The following SEMA6A variants were observed in gnomAD, a reference collection of about 807,000 sequenced individuals.
SEMA6A encodes semaphorin-6A.
Under a neutral mutation model 96.8 loss-of-function variants are expected in SEMA6A, and 25 were observed. That is an observed-to-expected ratio of 0.26 (90% CI 0.19 to 0.36). The LOEUF is 0.36. Ranked by LOEUF, SEMA6A falls within the 10% of genes least tolerant of loss-of-function variation. SEMA6A has a pLI of 1.00. For synonymous variants in SEMA6A, 612 were observed against 518.0 expected (o/e 1.18, Z -2.46); for missense variants, 1,363 against 1,323.1 (o/e 1.03, Z -0.47).
Position 116,447,092 on chromosome 5 carries a change from C to G in SEMA6A, c.2614G>C (p.Glu872Gln). 6.2e-7 allele frequency: 1 copy of G among 1,613,978 alleles called. No individual in the cohort carries two copies. The change falls in exon 19 of 19, where the codon GAG becomes CAG. Residue 872 changes from glutamate (E) to glutamine (Q), a missense_variant. Glu to Gln is a conservative substitution (Grantham distance 29). Coordinates refer to ENST00000343348, the MANE Select transcript of SEMA6A (RefSeq NM_020796.5). ...KSPNHGVNLV[E>Q]NLDSLPPKVP... ...TTGGGGGGCAGGCTGTCCAGGTTCT[C>G]CACAAGGTTCACCCCATGGTTGGGA...
At chr5:116,475,117 T>TA (rs1466397885) in intron 16 of SEMA6A, among the ~76,000 whole-genome samples, 7 of 152,198 alleles carry the variant, frequency 4.6e-5, no homozygotes, top group Non-Finnish European at 1.0e-4. Context: ...TTGCTTTTGT[T>TA]AGTCGATATG....
intron 3 of SEMA6A, among the ~76,000 whole-genome samples, 175 bp from the exon 4 acceptor site, chr5:116,497,562 C>T (rs576740564): frequency 6.6e-6 from 1 of 152,174 alleles, no homozygotes; most frequent in Non-Finnish European, 1.5e-5. Flanking sequence ...CCATTTAGCA[C>T]CTTCTGATAA....
At chr5:116,567,754 C>T (rs1761072315) in intron 1 of SEMA6A, among the ~76,000 whole-genome samples, 1 of 152,172 alleles carries the variant, frequency 6.6e-6, no homozygotes, top group African/African-American at 2.4e-5. Context: ...ATTTATTAAC[C>T]TCACGCCACA....
chr5:116,561,260 TTAA>T (rs1452211495), intron 1 of SEMA6A, among the ~76,000 whole-genome samples: 6 of 152,246 alleles, frequency 3.9e-5, no homozygotes, highest in African/African-American at 4.8e-5. Context: ...GTCTTTATTA[TTAA>T]TAATAACACC....
At chr5:116,452,717 G>A (rs530177778) in intron 18 of SEMA6A, among the ~76,000 whole-genome samples, 41 of 152,188 alleles carry the variant, frequency 2.7e-4, no homozygotes, top group South Asian at 1.2e-3. Context: ...ATACTATTCC[G>A]TGCAAAGGGA....
intron 2 of SEMA6A, among the ~76,000 whole-genome samples, chr5:116,503,863 A>G (rs962182226): frequency 6.6e-6 from 1 of 152,154 alleles, no homozygotes; most frequent in Non-Finnish European, 1.5e-5. Context: ...ACTTACCTCA[A>G]ATGGAAATAA....
At chr5:116,536,997 C>T (rs1256283471) in intron 1 of SEMA6A, among the ~76,000 whole-genome samples, 1 of 150,380 alleles carries the variant, frequency 6.6e-6, no homozygotes, top group Non-Finnish European at 1.5e-5. Context: ...ATTGTATTAG[C>T]ATGTGTGAAA....
At chr5:116,573,286 T>C (rs963178576) in intron 1 of SEMA6A, among the ~76,000 whole-genome samples, 1 of 151,980 alleles carries the variant, frequency 6.6e-6, no homozygotes, top group Non-Finnish European at 1.5e-5. Context: ...TTCTGCCAGG[T>C]CTCTCACCCT....
chr5:116,493,283 A>C (rs564179312), intron 6 of SEMA6A, among the ~76,000 whole-genome samples: 1 of 152,334 alleles, frequency 6.6e-6, no homozygotes, highest in South Asian at 2.1e-4. Flanking sequence ...GATTTGTTAG[A>C]AGCATTAATC....
At chr5:116,513,374 G>A (rs548666902) in intron 1 of SEMA6A, among the ~76,000 whole-genome samples, 1 of 152,156 alleles carries the variant, frequency 6.6e-6, no homozygotes, top group South Asian at 2.1e-4. Context: ...TGATCTGCCC[G>A]CCTCAGCCTC....
chr5:116,549,691 C>T (rs1468307760), intron 1 of SEMA6A, among the ~76,000 whole-genome samples: 1 of 152,172 alleles, frequency 6.6e-6, no homozygotes, highest in Admixed American at 6.5e-5. Context: ...TGTGCCATAT[C>T]AGTACTTTTC....
At chr5:116,449,015 C>T (rs533414713) in intron 18 of SEMA6A, among the ~76,000 whole-genome samples, 1 of 152,310 alleles carries the variant, frequency 6.6e-6, no homozygotes, top group Admixed American at 6.5e-5. Flanking sequence ...ACTACATTAA[C>T]CAGGATTCAG....
At chr5:116,519,583 G>A (rs1758832411) in intron 1 of SEMA6A, among the ~76,000 whole-genome samples, 1 of 151,998 alleles carries the variant, frequency 6.6e-6, no homozygotes, top group South Asian at 2.1e-4. Flanking sequence ...TTGGGGTCAT[G>A]GGCTCACCCA....
At chr5:116,472,332 A>AAG (rs1756198331) in intron 17 of SEMA6A, 1 of 152,294 alleles carries the variant, frequency 6.6e-6, no homozygotes, top group African/African-American at 2.4e-5. Context: ...TTCCTTGTCT[A>AAG]CATTCTGAAG....
At chr5:116,511,708 T>C (rs1758413750) in intron 1 of SEMA6A, among the ~76,000 whole-genome samples, 1 of 152,212 alleles carries the variant, frequency 6.6e-6, no homozygotes, top group African/African-American at 2.4e-5. Flanking sequence ...GGCCCTGTGA[T>C]TGCAGCCTTA....
chr5:116,472,081 C>A (rs1756178008), intron 17 of SEMA6A, among the ~76,000 whole-genome samples: 1 of 152,072 alleles, frequency 6.6e-6, no homozygotes, highest in South Asian at 2.1e-4. Flanking sequence ...CTTAAATTTG[C>A]CATCACATGG....
chr5:116,574,020 G>A (rs919872524), intron 1 of SEMA6A, among the ~76,000 whole-genome samples, 165 bp downstream of exon 1: 3 of 149,118 alleles, frequency 2.0e-5, no homozygotes, highest in African/African-American at 7.8e-5. Context: ...CAGGGCTCAC[G>A]GCTGCTCCCC....
intron 1 of SEMA6A, among the ~76,000 whole-genome samples, chr5:116,524,678 C>A (rs898032598): frequency 1.3e-5 from 2 of 151,722 alleles, no homozygotes; most frequent in African/African-American, 4.8e-5. Context: ...GCAAATGCTA[C>A]ACTTAGGGTT....
At chr5:116,543,520 T>TTA (rs1760060200) in intron 1 of SEMA6A, among the ~76,000 whole-genome samples, 1 of 152,232 alleles carries the variant, frequency 6.6e-6, no homozygotes, top group East Asian at 1.9e-4. Flanking sequence ...AAAACAATGC[T>TTA]TATCTCTAAC....
Sources: gnomAD v4.1 joint callset for allele counts (sites outside exome capture counted in the v4.1 genomes callset) on GRCh38, gnomAD v4.1.1 for gene constraint, MANE v1.5 for transcripts, NCBI Gene and HGNC (gene_info 2026-07-23, HGNC 2026-07-21) for gene names.